Variants in FAM91A1 observed in about 807,000 individuals in gnomAD.
FAM91A1 encodes the protein family with sequence similarity 91 member A1.
FAM91A1 carries 41 observed loss-of-function variants against 113.5 expected under a neutral mutation model. The ratio of observed to expected loss-of-function variants is 0.36; its 90% CI spans 0.28 to 0.47. The LOEUF (loss-of-function observed/expected upper bound fraction) is 0.47. Ranked by LOEUF, FAM91A1 falls within the 20% of genes least tolerant of loss-of-function variation. The probability of loss-of-function intolerance (pLI) is 1.00; values close to 1 mark genes in which losing one functional copy is unlikely to be tolerated. For missense variants in FAM91A1, 696 were observed against 1,001.2 expected (o/e 0.70, Z 4.11); for synonymous variants, 307 against 347.9 (o/e 0.88, Z 1.31).
intron 2 of FAM91A1, among the ~76,000 whole-genome samples, 196 bp downstream of exon 2, chr8:123,774,360 T>C (rs563988459): frequency 6.6e-6 from 1 of 152,290 alleles, no homozygotes; most frequent in South Asian, 2.1e-4. Flanking sequence ...CTGATAAAAA[T>C]TATTTTTAGA....
chr8:123,781,800 G>A (rs1461352655), intron 8 of FAM91A1, among the ~76,000 whole-genome samples: 1 of 152,090 alleles, frequency 6.6e-6, no homozygotes, highest in Non-Finnish European at 1.5e-5. Context: ...CCTATTTTAA[G>A]CTTGGAAAGA....
At chr8:123,778,800 A>G (rs781191003) in intron 6 of FAM91A1, 28 bp downstream of exon 6, 4 of 1,348,842 alleles carry the variant, frequency 3.0e-6, no homozygotes, top group Non-Finnish European at 3.9e-6. Context: ...TTAAACATAG[A>G]ATTTTTATTT....
chr8:123,791,353 T>C (rs1815378442), intron 15 of FAM91A1, among the ~76,000 whole-genome samples: 1 of 152,116 alleles, frequency 6.6e-6, no homozygotes, highest in African/African-American at 2.4e-5. Context: ...AAGCTTTGTA[T>C]TCATTTACCC....
chr8:123,798,404 G>T (rs986990225), intron 16 of FAM91A1, among the ~76,000 whole-genome samples, 166 bp downstream of exon 16: 1 of 152,074 alleles, frequency 6.6e-6, no homozygotes, highest in Non-Finnish European at 1.5e-5. Context: ...AGTGTAATTG[G>T]TATATTTTAT....
chr8:123,777,972 T>C (rs1815028302), intron 4 of FAM91A1, 53 bp from the exon 5 acceptor site: 6 of 1,477,600 alleles, frequency 4.1e-6, no homozygotes, highest in African/African-American at 1.4e-5. Context: ...TGTGAACATA[T>C]TGAGATTTCA....
chr8:123,814,077 A>G lies in FAM91A1; in HGVS notation c.*1373A>G, dbSNP rs1459644393. The G allele has an allele frequency of 2.0e-5, 7 of 344,576 alleles. No homozygotes were observed. In the East Asian group the frequency reaches 8.1e-4, roughly 40 times the overall value. The allele number at this position is 344,576 out of a possible 1,614,324, so 21.3% of individuals were successfully genotyped here. On this transcript the variant is annotated 3_prime_UTR_variant, in exon 24 of 24. Transcript: ENST00000334705. The stretch of plus-strand genomic sequence containing the variant: ...TACCATGGCCTATCTATAGAATTGA[A>G]TATTTTGGACCATGTTATCTGTGGC...
intron 3 of FAM91A1, among the ~76,000 whole-genome samples, chr8:123,775,653 A>G (rs1346909269): frequency 6.6e-6 from 1 of 152,190 alleles, no homozygotes; most frequent in African/African-American, 2.4e-5. Context: ...GACAGAATTG[A>G]ACATTATGTT....
chr8:123,769,361 CTG>C (rs1298049971), intron 1 of FAM91A1, among the ~76,000 whole-genome samples: 1 of 152,194 alleles, frequency 6.6e-6, no homozygotes, highest in East Asian at 1.9e-4. Context: ...TAGCAAGTGA[CTG>C]TATCACCAGA....
At chr8:123,776,571 G>A (rs1814988551) in intron 3 of FAM91A1, among the ~76,000 whole-genome samples, 1 of 152,184 alleles carries the variant, frequency 6.6e-6, no homozygotes, top group Admixed American at 6.5e-5. Flanking sequence ...AATAGTTACT[G>A]CTGTCTCTTT....
At position 123,814,918 on chromosome 8, in the gene FAM91A1, T is replaced by A. The variant is rs1330257792; in HGVS notation, c.*2214T>A. 6.6e-6 allele frequency: 1 copy of A among 152,666 alleles called. No homozygotes were observed. The highest frequency in any genetic ancestry group is 1.5e-5 in the Non-Finnish European group (1 of 68,044). The allele number at this position is 152,666 out of a possible 1,614,324, so 9.5% of individuals were successfully genotyped here. ...GATTCATGAAAAATTTACGTCCAAT[T>A]ATTTTGCAAATAGTTAATTTCATTT... On this transcript the variant is annotated 3_prime_UTR_variant, in exon 24 of 24. Coordinates refer to ENST00000334705, the MANE Select transcript of FAM91A1 (RefSeq NM_144963.4).
rs1449673100 is a variant in FAM91A1, at chr8:123,778,112, T to C, written c.435+20T>C. ...TCAAAAGTAAGTTAGTACTTTCTTTTTCATTGTTTTGGCCTCATCACACAG... is the reference window on the plus strand; with the variant it reads ...TCAAAAGTAAGTTAGTACTTTCTTTCTCATTGTTTTGGCCTCATCACACAG... On this transcript the variant is annotated intron_variant, in intron 5 of 23. Transcript: ENST00000334705. The C allele has an allele frequency of 6.3e-7, 1 of 1,590,074 alleles. No homozygotes were observed. The highest frequency in any genetic ancestry group is 8.6e-7 in the Non-Finnish European group (1 of 1,161,450).
At chr8:123,778,219 CA>C (rs922774717) in intron 5 of FAM91A1, 127 bp downstream of exon 5, 36 of 636,536 alleles carry the variant, frequency 5.7e-5, no homozygotes, top group Non-Finnish European at 7.5e-5. Context: ...AGAAACAATA[CA>C]AAAAAAACTC....
chr8:123,799,593 G>A lies in FAM91A1; in HGVS notation c.1634G>A (p.Gly545Glu). Residue 545 changes from glycine (G) to glutamate (E), a missense_variant, in exon 17 of 24, where the codon GGA (glycine) becomes GAA (glutamate). Physicochemically the swap from Gly to Glu is moderately conservative, Grantham distance 98. Transcript: ENST00000334705. Reference sequence around the variant, plus strand: ...TACATTTATCATGTCACTGGACAAGGACCACCATCCCTTTTATTGTCCAAA... The same window carrying A: ...TACATTTATCATGTCACTGGACAAGAACCACCATCCCTTTTATTGTCCAAA... ...KLYIYHVTGQ[G>E]PPSLLLSKGT... 1 of 1,614,058 alleles carries A rather than the reference G, an allele frequency of 6.2e-7. No homozygotes were observed. Among genetic ancestry groups the A allele is most frequent in the Non-Finnish European group, 8.5e-7 (1 of 1,179,988 alleles).
At chr8:123,783,112 G>A (rs72715035) in intron 8 of FAM91A1, among the ~76,000 whole-genome samples, 2,237 of 152,256 alleles carry the variant, frequency 0.015, 31 homozygotes, top group Middle Eastern at 0.024. Flanking sequence ...GGAGGTCGAA[G>A]CTGCAGTAAG....
chr8:123,769,169 A>G (rs1447721801), intron 1 of FAM91A1, among the ~76,000 whole-genome samples: 3 of 152,236 alleles, frequency 2.0e-5, no homozygotes, highest in South Asian at 2.1e-4. Flanking sequence ...GCATTGTAGT[A>G]TATGTGAGAG....
intron 4 of FAM91A1, 114 bp downstream of exon 4, chr8:123,777,436 A>G: frequency 1.1e-6 from 1 of 874,780 alleles, no homozygotes; most frequent in Non-Finnish European, 1.8e-6. Context: ...AAAAATGAGA[A>G]CAGTAAGCAA....
Position 123,772,276 on chromosome 8 carries a change from G to A in FAM91A1, c.73-1804G>A, listed in dbSNP as rs778190059. 5.8e-4 allele frequency among the ~76,000 whole-genome samples: 88 copies of A among 152,298 alleles called. 1 individual carries two copies. Among genetic ancestry groups the A allele is most frequent in the Non-Finnish European group, 1.8e-4 (12 of 68,022 alleles). On this transcript the variant is annotated intron_variant, in intron 1 of 23. Coordinates refer to ENST00000334705, the MANE Select transcript of FAM91A1 (RefSeq NM_144963.4). ...TTAAGAGACTTATTTTGAAACAGAA[G>A]AGCAAAACCTCAAGCTAGATTTTAG... is the stretch of plus-strand genomic sequence containing the variant.
At position 123,778,029 on chromosome 8, in the gene FAM91A1, A is replaced by G. The variant is rs200076157; in HGVS notation, c.372A>G (p.Leu124=). ...AGGAAAGACTCTTTTTTTCAGGTCT[A>G]AGGCTTCTTGGCATAGGAAGAAACC... ...SLPNFTAADC[L]RLLGIGRNQY... is the part of the protein sequence containing the mutation. The change falls in exon 5 of 24, where the codon CTA becomes CTG. Residue 124 remains leucine, a synonymous_variant. Transcript: ENST00000334705. 3.0e-4 allele frequency: 476 copies of G among 1,612,026 alleles called. No homozygotes were observed. Among genetic ancestry groups the G allele is most frequent in the Middle Eastern group, 2.2e-3 (13 of 6,024 alleles).
At chr8:123,806,734 C>T (rs1815821904) in intron 20 of FAM91A1, among the ~76,000 whole-genome samples, 1 of 152,052 alleles carries the variant, frequency 6.6e-6, no homozygotes, top group African/African-American at 2.4e-5. Flanking sequence ...TCCCCTTTCT[C>T]TTCATTTTAA....
Sources: allele counts gnomAD v4.1 joint callset (sites outside exome capture counted in the v4.1 genomes callset), GRCh38; gene constraint gnomAD v4.1.1; transcripts MANE v1.5; gene names NCBI Gene and HGNC (gene_info 2026-07-23, HGNC 2026-07-21).